The following B4GALT5 variants were observed in gnomAD, a reference collection of about 807,000 sequenced individuals.
B4GALT5 encodes UDP-Gal:beta-GlcNAc beta-1,4-galactosyltransferase 5.
A neutral mutation model predicts 45.0 loss-of-function variants in B4GALT5; 11 were observed. The observed-to-expected ratio is 0.24, with a 90% CI of 0.15 to 0.40. The LOEUF is 0.40. Among genes scored for constraint, B4GALT5 ranks in the 10% least tolerant of loss-of-function variants. B4GALT5 has a pLI of 1.00. For synonymous variants in B4GALT5, 185 were observed against 182.9 expected (o/e 1.01, Z -0.09); for missense variants, 337 against 500.2 (o/e 0.67, Z 3.11).
chr20:49,704,356 T>C (rs925260165), intron 1 of B4GALT5, among the ~76,000 whole-genome samples: 8 of 152,228 alleles, frequency 5.3e-5, no homozygotes, highest in Non-Finnish European at 1.2e-4. Context: ...TTAAATATCC[T>C]ACAACTTTTT....
intron 1 of B4GALT5, chr20:49,684,749 A>G (rs2085778611): frequency 2.1e-6 from 1 of 475,950 alleles, no homozygotes; most frequent in Non-Finnish European, 4.2e-6. Flanking sequence ...AATTCCCCAG[A>G]GAACAGAGGT....
chr20:49,657,688 T>G lies in B4GALT5; in HGVS notation c.116-986A>C, dbSNP rs562262397. On this transcript the variant is annotated intron_variant, in intron 1 of 8. Coordinates refer to ENST00000371711, the MANE Select transcript of B4GALT5 (RefSeq NM_004776.4). ...GATTCATCTAACCGCTTGGCTAACCTCGGGACCAGGCCCCAGTGCCTCCTC... is the reference window on the plus strand; with the variant it reads ...GATTCATCTAACCGCTTGGCTAACCGCGGGACCAGGCCCCAGTGCCTCCTC... 1.5e-3 allele frequency among the ~76,000 whole-genome samples: 221 copies of G among 152,324 alleles called. 4 individuals carry two copies. The highest frequency in any genetic ancestry group is 3.5e-3 in the Admixed American group (53 of 15,298).
chr20:49,689,272 A>G (rs1317646584), intron 1 of B4GALT5, among the ~76,000 whole-genome samples: 2 of 152,214 alleles, frequency 1.3e-5, no homozygotes, highest in African/African-American at 2.4e-5. Context: ...TCAATGAGAA[A>G]GATAAGAGAG....
intron 1 of B4GALT5, among the ~76,000 whole-genome samples, chr20:49,692,681 G>A (rs904642867): frequency 1.3e-5 from 2 of 152,098 alleles, no homozygotes; most frequent in African/African-American, 2.4e-5. Context: ...TAAGATACAG[G>A]GGTAAGCCCA....
intron 1 of B4GALT5, among the ~76,000 whole-genome samples, chr20:49,707,085 C>T (rs1005882434): frequency 6.6e-6 from 1 of 152,222 alleles, no homozygotes; most frequent in South Asian, 2.1e-4. Context: ...CATCTGCCGG[C>T]TAGGTATCCT....
At chr20:49,712,852 T>TGGG (rs2085922310) in intron 1 of B4GALT5, among the ~76,000 whole-genome samples, 25 of 25,644 alleles carry the variant, frequency 9.7e-4, no homozygotes, top group Middle Eastern at 0.024. Flanking sequence ...GGGGGGGAGA[T>TGGG]GGGGAAGAGG....
chr20:49,704,092 T>C (rs896642675), intron 1 of B4GALT5, among the ~76,000 whole-genome samples: 1 of 152,192 alleles, frequency 6.6e-6, no homozygotes, highest in African/African-American at 2.4e-5. Context: ...TTTTATGACC[T>C]TCACCAGCCA....
At chr20:49,701,350 AT>A (rs1172269539) in intron 1 of B4GALT5, among the ~76,000 whole-genome samples, 1 of 152,204 alleles carries the variant, frequency 6.6e-6, no homozygotes, top group Non-Finnish European at 1.5e-5. Flanking sequence ...AGAAAAAAAA[AT>A]ATGTATCAAA....
intron 7 of B4GALT5, 37 bp from the exon 8 acceptor site, chr20:49,637,479 C>T (rs374504331): frequency 3.8e-4 from 568 of 1,490,294 alleles, no homozygotes; most frequent in South Asian, 7.2e-4. Context: ...TTAGATACAA[C>T]GGTAATAGCC....
intron 1 of B4GALT5, among the ~76,000 whole-genome samples, chr20:49,704,719 A>AAAAAAAAAAC (rs1342455245): frequency 1.4e-5 from 2 of 144,656 alleles, no homozygotes; most frequent in Non-Finnish European, 3.0e-5. Context: ...ACTCTGTCTC[A>AAAAAAAAAAC]AAAAAAAAAC....
intron 1 of B4GALT5, among the ~76,000 whole-genome samples, chr20:49,678,047 CT>C (rs1688125331): frequency 2.0e-5 from 3 of 152,256 alleles, no homozygotes; most frequent in Admixed American, 2.0e-4. Context: ...CACGCCCAGC[CT>C]GAAATATCTT....
Position 49,670,065 on chromosome 20 carries a change from C to A in B4GALT5, c.116-13363G>T, listed in dbSNP as rs553928970. Reference sequence around the variant, plus strand: ...AATCAACAACCAGCAGCTCTCAGTGCTGCTCTGCCTGTGGAGTAGCCAGTT... The same window carrying A: ...AATCAACAACCAGCAGCTCTCAGTGATGCTCTGCCTGTGGAGTAGCCAGTT... On this transcript the variant is annotated intron_variant, in intron 1 of 8. Transcript: ENST00000371711. Among the ~76,000 whole-genome samples, 3 of 152,350 alleles carry A rather than the reference C, an allele frequency of 2.0e-5. No individual in the cohort carries two copies. The South Asian group carries it at 6.2e-4, about 32-fold the overall frequency.
In B4GALT5 at chr20:49,636,453, A is replaced by C; in HGVS notation, c.1026T>G (p.Ala342=). The part of the protein sequence containing the change: ...RGEVQFLGRY[A]LLRKSKERQG... ...GCCGTTCTTTTGACTTCCTCAGCAG[A>C]GCATACCTGTTTAGGGAGGGAACAG... The change falls in exon 9 of 9, where the codon GCT becomes GCG. Residue 342 remains alanine (A), a synonymous_variant. Transcript: ENST00000371711. 6.2e-7 allele frequency: 1 copy of C among 1,614,014 alleles called. No individual in the cohort carries two copies. Among genetic ancestry groups the C allele is most frequent in the Non-Finnish European group, 8.5e-7 (1 of 1,179,982 alleles).
At chr20:49,710,886 C>G (rs2085906984) in intron 1 of B4GALT5, among the ~76,000 whole-genome samples, 1 of 152,040 alleles carries the variant, frequency 6.6e-6, no homozygotes, top group Non-Finnish European at 1.5e-5. Flanking sequence ...TCAACAGAGC[C>G]TGTGCATCAT....
At chr20:49,640,923 G>A (rs1480816826) in intron 5 of B4GALT5, among the ~76,000 whole-genome samples, 1 of 152,186 alleles carries the variant, frequency 6.6e-6, no homozygotes, top group Non-Finnish European at 1.5e-5. Context: ...GACCAGCCTG[G>A]CCAACATGGT....
At position 49,643,661 on chromosome 20, in the gene B4GALT5, A is replaced by AC; in HGVS notation, c.365-12dup. ...TGTCTATTGGGCCCTCTGAACAGAG[A>AC]CGGGGAAAAGGGATTAAGAGGTCAG... On this transcript the variant is annotated splice_polypyrimidine_tract_variant and intron_variant, in intron 3 of 8. Coordinates refer to ENST00000371711, the MANE Select transcript of B4GALT5 (RefSeq NM_004776.4). 2 of 1,611,780 alleles carry AC rather than the reference A, an allele frequency of 1.2e-6. No homozygotes were observed. Among genetic ancestry groups the AC allele is most frequent in the Non-Finnish European group, 8.5e-7 (1 of 1,178,342 alleles).
intron 1 of B4GALT5, among the ~76,000 whole-genome samples, chr20:49,659,498 C>T (rs1194157002): frequency 2.0e-5 from 3 of 152,112 alleles, no homozygotes; most frequent in South Asian, 2.1e-4. Flanking sequence ...GTGTTAGTCT[C>T]GTCATTCAAC....
At chr20:49,659,200 G>A (rs1217658622) in intron 1 of B4GALT5, among the ~76,000 whole-genome samples, 1 of 152,232 alleles carries the variant, frequency 6.6e-6, no homozygotes, top group East Asian at 1.9e-4. Context: ...AAAGCTGCCA[G>A]ATGGATCTTT....
intron 1 of B4GALT5, among the ~76,000 whole-genome samples, chr20:49,671,832 C>T (rs1240603875): frequency 1.6e-5 from 2 of 126,976 alleles, no homozygotes; most frequent in Non-Finnish European, 3.4e-5. Context: ...TGCCTTTGGG[C>T]AGGGTCTTTT....
Sources: allele counts gnomAD v4.1 joint callset (sites outside exome capture counted in the v4.1 genomes callset), GRCh38; gene constraint gnomAD v4.1.1; transcripts MANE v1.5; gene names NCBI Gene and HGNC (gene_info 2026-07-23, HGNC 2026-07-21).